PRTG: variants seen among roughly 807,000 people sequenced by gnomAD.
PRTG encodes protogenin, also known as immunoglobulin superfamily, DCC subclass, member 5.
A neutral mutation model predicts 122.5 loss-of-function variants in PRTG; 67 were observed. The observed-to-expected ratio is 0.55, with a 90% confidence interval of 0.45 to 0.67. PRTG has a LOEUF of 0.67. Ranked by LOEUF, PRTG falls within the 30% of genes least tolerant of loss-of-function variation. The probability of loss-of-function intolerance (pLI) is 0.00; values close to 1 mark genes in which losing one functional copy is unlikely to be tolerated. For missense variants in PRTG, 1,435 were observed against 1,415.4 expected (o/e 1.01, Z -0.22); for synonymous variants, 554 against 501.1 (o/e 1.11, Z -1.41).
At chr15:55,667,589 TAAC>T (rs2059446054) in intron 11 of PRTG, among the ~76,000 whole-genome samples, 1 of 152,148 alleles carries the variant, frequency 6.6e-6, no homozygotes, top group Non-Finnish European at 1.5e-5. Context: ...ATATTAAACA[TAAC>T]AAAAGAAAGG....
chr15:55,670,450 G>A (rs1357679319), intron 11 of PRTG, among the ~76,000 whole-genome samples: 1 of 152,022 alleles, frequency 6.6e-6, no homozygotes, highest in Non-Finnish European at 1.5e-5. Flanking sequence ...AAATTTTCTC[G>A]AATCAATAAT....
At chr15:55,741,856 T>C (rs1223567970) in intron 1 of PRTG, among the ~76,000 whole-genome samples, 1 of 152,244 alleles carries the variant, frequency 6.6e-6, no homozygotes, top group Non-Finnish European at 1.5e-5. Flanking sequence ...ATTGTGTTTC[T>C]GAGCCACATC....
At chr15:55,690,937 C>G (rs2059597045) in intron 2 of PRTG, among the ~76,000 whole-genome samples, 1 of 152,152 alleles carries the variant, frequency 6.6e-6, no homozygotes, top group African/African-American at 2.4e-5. Flanking sequence ...ATACTGGGAT[C>G]TGAATCCAGG....
intron 2 of PRTG, among the ~76,000 whole-genome samples, chr15:55,731,168 C>G (rs2031217708): frequency 6.6e-6 from 1 of 152,108 alleles, no homozygotes. Flanking sequence ...CTTCTGAAAG[C>G]TGCCTAACAG....
chr15:55,654,443 A>C (rs1056598781), intron 11 of PRTG, among the ~76,000 whole-genome samples: 1 of 152,222 alleles, frequency 6.6e-6, no homozygotes, highest in Non-Finnish European at 1.5e-5. Context: ...TCTAAAACAA[A>C]GTGTGTTAGA....
rs141121448 is a variant in PRTG at position 55,722,320 on chromosome 15, T to C, written c.397+18062A>G. On this transcript the variant is annotated intron_variant, in intron 2 of 19. Transcript: ENST00000389286. ...TTATTTAGGTACTCCTTTCCTATCA[T>C]TGAGGTCAGGTACTATATTTTATTA... Among the ~76,000 whole-genome samples, 351 of 152,294 alleles carry C rather than the reference T, an allele frequency of 2.3e-3. 2 individuals carry two copies. Among genetic ancestry groups the C allele is most frequent in the Admixed American group, 2.9e-3 (45 of 15,298 alleles).
intron 2 of PRTG, among the ~76,000 whole-genome samples, chr15:55,712,879 C>A (rs1190219279): frequency 6.6e-6 from 1 of 152,158 alleles, no homozygotes; most frequent in Non-Finnish European, 1.5e-5. Flanking sequence ...CCACTAACAG[C>A]ACATTTTATG....
In PRTG at chr15:55,719,234, T is replaced by C. The variant is rs376771489; in HGVS notation, c.397+21148A>G. Reference sequence around the variant, plus strand: ...TGTCCTAATTGATTTTACTAAAATATTTCTGATATTTACAAGTTAATGAGA... The same window carrying C: ...TGTCCTAATTGATTTTACTAAAATACTTCTGATATTTACAAGTTAATGAGA... On this transcript the variant is annotated intron_variant, in intron 2 of 19. Coordinates refer to ENST00000389286, the MANE Select transcript of PRTG (RefSeq NM_173814.6). Among the ~76,000 whole-genome samples the C allele has an allele frequency of 3.9e-5, 6 of 152,206 alleles. No homozygotes were observed. The East Asian group carries it at 5.8e-4, about 15-fold the overall frequency.
chr15:55,724,110 C>T lies in PRTG; in HGVS notation c.397+16272G>A, dbSNP rs192282082. On this transcript the variant is annotated intron_variant, in intron 2 of 19. Coordinates refer to ENST00000389286, the MANE Select transcript of PRTG (RefSeq NM_173814.6). ...TTGTGGCCCAACATGTGTTCTATTCCGGAGAACGTTTTATGTGCACTAGAG... is the reference window on the plus strand; with the variant it reads ...TTGTGGCCCAACATGTGTTCTATTCTGGAGAACGTTTTATGTGCACTAGAG... Among the ~76,000 whole-genome samples the T allele has an allele frequency of 7.3e-4, 111 of 152,138 alleles. 4 individuals are homozygous for T. The highest frequency in any genetic ancestry group is 5.9e-3 in the Admixed American group (90 of 15,276).
At chr15:55,662,865 G>C (rs888713763) in intron 11 of PRTG, among the ~76,000 whole-genome samples, 1 of 152,270 alleles carries the variant, frequency 6.6e-6, no homozygotes, top group East Asian at 1.9e-4. Context: ...CCAGAGAGAC[G>C]CTGGTCCACA....
At chr15:55,668,744 T>C (rs533116029) in intron 11 of PRTG, among the ~76,000 whole-genome samples, 2 of 152,120 alleles carry the variant, frequency 1.3e-5, no homozygotes, top group Non-Finnish European at 2.9e-5. Flanking sequence ...CAAGCTAACA[T>C]CAAAATATTT....
Position 55,742,826 on chromosome 15 carries a change from A to C in PRTG, c.94+12T>G, listed in dbSNP as rs1307240380. 1 of 1,540,900 alleles carries C rather than the reference A, an allele frequency of 6.5e-7. No individual in the cohort carries two copies. Among genetic ancestry groups the C allele is most frequent in the African/African-American group, 1.4e-5 (1 of 71,218 alleles). On this transcript the variant is annotated intron_variant, in intron 1 of 19. Transcript: ENST00000389286. ...CACAGCGGTAAGAGAAAGCAGAAGA[A>C]AGCGCGCCCACCTGGCAAAGGACTG...
At chr15:55,646,181 T>TG (rs937697783) in intron 11 of PRTG, among the ~76,000 whole-genome samples, 6 of 150,278 alleles carry the variant, frequency 4.0e-5, no homozygotes, top group African/African-American at 1.2e-4. Flanking sequence ...TAGTTTTTTT[T>TG]TTTTTTTTTT....
chr15:55,710,626 G>GGAAT (rs1448487133), intron 2 of PRTG, among the ~76,000 whole-genome samples: 1 of 151,962 alleles, frequency 6.6e-6, no homozygotes, highest in Non-Finnish European at 1.5e-5. Context: ...ATTCACTACA[G>GGAAT]GAATGTTCAT....
intron 2 of PRTG, among the ~76,000 whole-genome samples, chr15:55,739,769 G>C (rs1193117563): frequency 6.6e-6 from 1 of 152,124 alleles, no homozygotes; most frequent in African/African-American, 2.4e-5. Flanking sequence ...TATGACAAAA[G>C]GGAAAAAGTG....
chr15:55,722,907 C>A (rs2030882572), intron 2 of PRTG, among the ~76,000 whole-genome samples: 1 of 152,156 alleles, frequency 6.6e-6, no homozygotes, highest in South Asian at 2.1e-4. Flanking sequence ...TAACTGAGAC[C>A]TGAAGCTAGG....
intron 15 of PRTG, among the ~76,000 whole-genome samples, chr15:55,630,358 A>G (rs937027428): frequency 2.6e-5 from 4 of 151,708 alleles, no homozygotes; most frequent in Non-Finnish European, 5.9e-5. Flanking sequence ...CCTGACCTCA[A>G]GTAATCTGCC....
chr15:55,681,437 T>G (rs1318257449), intron 4 of PRTG: 1 of 152,064 alleles, frequency 6.6e-6, no homozygotes, highest in Non-Finnish European at 1.5e-5. Context: ...ACCTTTGAAA[T>G]AAAAACTATC....
At chr15:55,720,808 G>GA (rs1400828993) in intron 2 of PRTG, among the ~76,000 whole-genome samples, 20 of 152,206 alleles carry the variant, frequency 1.3e-4, no homozygotes, top group African/African-American at 4.6e-4. Context: ...GAGCTAAAAA[G>GA]AAAAAATCTC....
Sources: allele counts gnomAD v4.1 joint callset (sites outside exome capture counted in the v4.1 genomes callset), GRCh38; gene constraint gnomAD v4.1.1; transcripts MANE v1.5; gene names NCBI Gene and HGNC (gene_info 2026-07-23, HGNC 2026-07-21).